The following NOL10 variants were observed in gnomAD, a reference collection of about 807,000 sequenced individuals.
NOL10 encodes the protein H_NH0074G24.1.
A neutral mutation model predicts 103.5 loss-of-function variants in NOL10; 58 were observed. The ratio of observed to expected loss-of-function variants is 0.56; its 90% CI spans 0.45 to 0.70. NOL10 has a LOEUF of 0.70. NOL10 is among the 30% of genes least tolerant of loss of function. The pLI is 0.00. For synonymous variants in NOL10, 287 were observed against 282.5 expected, an observed-to-expected ratio of 1.02 and a Z score of -0.16; for missense variants, 763 against 807.3, an observed-to-expected ratio of 0.95 and a Z score of 0.67.
chr2:10,654,491 G>A lies in NOL10; in HGVS notation c.963C>T (p.Tyr321=). Residue 321 remains tyrosine, a synonymous_variant, in exon 12 of 21, where the codon TAC becomes TAT. Transcript: ENST00000381685. ...PEHDLNDVCL[Y]PNSGMLLTAN... Reference sequence around the variant, plus strand: ...CTACAGAATGCATACCTGAGTTGGGGTAGAGACAAACATCATTAAGGTCAT... The same window carrying A: ...CTACAGAATGCATACCTGAGTTGGGATAGAGACAAACATCATTAAGGTCAT... The A allele has an allele frequency of 1.3e-6, 2 of 1,599,470 alleles. No homozygotes were observed. Among genetic ancestry groups the A allele is most frequent in the Non-Finnish European group, 1.7e-6 (2 of 1,174,540 alleles).
intron 13 of NOL10, among the ~76,000 whole-genome samples, chr2:10,625,783 C>A (rs534812075): frequency 2.6e-5 from 4 of 152,002 alleles, no homozygotes; most frequent in Non-Finnish European, 4.4e-5. Flanking sequence ...GGGTAGAAGA[C>A]GGGTTTGTTA....
At position 10,577,673 on chromosome 2, in the gene NOL10, G is replaced by A; in HGVS notation, c.1910C>T (p.Thr637Ile). The change falls in exon 20 of 21, where the codon ACC becomes ATC. Residue 637 changes from threonine to isoleucine, a missense_variant. By Grantham distance (89) the Thr-to-Ile change is moderately conservative. Coordinates refer to ENST00000381685, the MANE Select transcript of NOL10 (RefSeq NM_024894.4). ...GAATGTCAATTGTTTGCTGCCAACG[G>A]TGGTGTCGGATACACTCAATGTCCC... ...KNGTLSVSDT[T>I]VGSKQLTFTL... 1 of 1,612,668 alleles carries A rather than the reference G, an allele frequency of 6.2e-7. No homozygotes were observed. Among genetic ancestry groups the A allele is most frequent in the Non-Finnish European group, 8.5e-7 (1 of 1,179,188 alleles).
At position 10,662,985 on chromosome 2, in the gene NOL10, G is replaced by A; in HGVS notation, c.651C>T (p.Ala217=). ...TRNRVGLLDC[A]LNSVTADSEI... is the part of the protein sequence containing the mutation. ...CTGAATCTGCTGTGACACTGTTTAA[G>A]GCGCAGTCTAACAGGCCAACTCTGT... The change falls in exon 9 of 21, where the codon GCC becomes GCT. Residue 217 remains alanine, a synonymous_variant. Transcript: ENST00000381685. 1 of 1,613,770 alleles carries A rather than the reference G, an allele frequency of 6.2e-7. No individual in the cohort carries two copies. The highest frequency in any genetic ancestry group is 8.5e-7 in the Non-Finnish European group (1 of 1,179,702).
chr2:10,644,267 A>G, intron 13 of NOL10, 53 bp downstream of exon 13: 1 of 1,278,598 alleles, frequency 7.8e-7, no homozygotes, highest in Non-Finnish European at 1.1e-6. Context: ...TAAATAATAA[A>G]AAGTATCTTT....
At position 10,684,568 on chromosome 2, in the gene NOL10, T is replaced by C. The variant is rs1281235446; in HGVS notation, c.111A>G (p.Val37=). 4 of 1,574,368 alleles carry C rather than the reference T, an allele frequency of 2.5e-6. No homozygotes were observed. Among genetic ancestry groups the C allele is most frequent in the East Asian group, 4.6e-5 (2 of 43,626 alleles). The part of the protein sequence containing the change: ...RKKRALQKKD[V]DVRRRIELIQ... ...GAAGTGGGAAAAAACAATACTCACC[T>C]ACATCTTTCTTCTGTAGCGCTCTCT... The change falls in exon 2 of 21, where the codon GTA becomes GTG. Residue 37 remains valine (V), a splice_region_variant and synonymous_variant. Transcript: ENST00000381685.
At chr2:10,652,225 G>A (rs1572379915) in intron 12 of NOL10, among the ~76,000 whole-genome samples, 1 of 150,940 alleles carries the variant, frequency 6.6e-6, no homozygotes, top group Admixed American at 6.6e-5. Flanking sequence ...GGGGGACAGA[G>A]GGAGACTCTG....
In NOL10 at chr2:10,663,633, C is replaced by G. The variant is rs905183506; in HGVS notation, c.592-589G>C. ...ATGTGAACTTTTTAAAAATAAAAAG[C>G]TGGGGAAAATTTTTTTTAATGAAAA... On this transcript the variant is annotated intron_variant, in intron 8 of 20. Transcript: ENST00000381685. Among the ~76,000 whole-genome samples, 52 of 151,648 alleles carry G rather than the reference C, an allele frequency of 3.4e-4. 2 individuals are homozygous for G.
chr2:10,587,519 C>G lies in NOL10; in HGVS notation c.1844+1524G>C, dbSNP rs186137919. On this transcript the variant is annotated intron_variant, in intron 19 of 20. Coordinates refer to ENST00000381685, the MANE Select transcript of NOL10 (RefSeq NM_024894.4). ...CTCCTGACCTCATGATCTGCCCCCC[C>G]CTTGGCCTCCCAAAGTGCTAGGATT... Among the ~76,000 whole-genome samples, 1,080 of 151,450 alleles carry G rather than the reference C, an allele frequency of 7.1e-3. 8 individuals are homozygous for G. The highest frequency in any genetic ancestry group is 0.024 in the African/African-American group (975 of 41,228).
chr2:10,671,664 G>A lies in NOL10; in HGVS notation c.354C>T (p.Tyr118=), dbSNP rs1328626736. ...AACCTGATTGCGAATGAAATTCAAT[G>A]TATCTATCATTATGTAAGAAGACAA... The part of the protein sequence containing the change: ...SKIVFLHNDR[Y]IEFHSQSGFY... The change falls in exon 6 of 21, where the codon TAC becomes TAT. Residue 118 remains tyrosine (Y), a synonymous_variant. Coordinates refer to ENST00000381685, the MANE Select transcript of NOL10 (RefSeq NM_024894.4). 1.3e-6 allele frequency: 2 copies of A among 1,574,302 alleles called. No homozygotes were observed. The highest frequency in any genetic ancestry group is 1.9e-5 in the Admixed American group (1 of 54,014).
intron 19 of NOL10, among the ~76,000 whole-genome samples, chr2:10,578,345 A>T (rs1377794126): frequency 6.6e-6 from 1 of 152,254 alleles, no homozygotes; most frequent in Non-Finnish European, 1.5e-5. Context: ...GAGAAAACAA[A>T]AGCAATTACA....
At chr2:10,619,141 G>A (rs1676990225) in intron 13 of NOL10, among the ~76,000 whole-genome samples, 1 of 152,056 alleles carries the variant, frequency 6.6e-6, no homozygotes, top group South Asian at 2.1e-4. Context: ...ATGTATGTAG[G>A]TATGTATGTA....
chr2:10,664,264 A>G (rs1157269656), intron 8 of NOL10, among the ~76,000 whole-genome samples: 2 of 152,118 alleles, frequency 1.3e-5, no homozygotes, highest in Non-Finnish European at 2.9e-5. Context: ...CCCCGTCTCT[A>G]CTAAAAATAC....
intron 13 of NOL10, among the ~76,000 whole-genome samples, chr2:10,627,591 C>T (rs1225065606): frequency 2.6e-5 from 4 of 151,968 alleles, no homozygotes; most frequent in Non-Finnish European, 2.9e-5. Flanking sequence ...AGGAGAATGG[C>T]GTGAACCCGG....
chr2:10,577,240 T>C (rs1321921233), intron 20 of NOL10, among the ~76,000 whole-genome samples: 2 of 152,200 alleles, frequency 1.3e-5, no homozygotes, highest in African/African-American at 4.8e-5. Flanking sequence ...TCCATATACA[T>C]GCGAGGTAGC....
chr2:10,671,704 A>G lies in NOL10; in HGVS notation c.328-14T>C. The G allele has an allele frequency of 1.3e-6, 2 of 1,532,104 alleles. No individual in the cohort carries two copies. Among genetic ancestry groups the G allele is most frequent in the South Asian group, 1.2e-5 (1 of 81,360 alleles). 94.9% of individuals were successfully genotyped at this position (1,532,104 alleles called of 1,614,324 possible). On this transcript the variant is annotated splice_polypyrimidine_tract_variant and intron_variant, in intron 5 of 20. Coordinates refer to ENST00000381685, the MANE Select transcript of NOL10 (RefSeq NM_024894.4). ...TAAGAAGACAATCTGAAAATAAAAC[A>G]AAAAAATTAGTTTGCTTAGGTTTCT...
At chr2:10,615,584 T>C (rs1676790847) in intron 13 of NOL10, among the ~76,000 whole-genome samples, 1 of 152,170 alleles carries the variant, frequency 6.6e-6, no homozygotes, top group African/African-American at 2.4e-5. Flanking sequence ...CTTTTTAAAA[T>C]GACAGTAAAT....
intron 12 of NOL10, among the ~76,000 whole-genome samples, chr2:10,649,588 A>G (rs1271655288): frequency 6.6e-6 from 1 of 152,088 alleles, no homozygotes; most frequent in Non-Finnish European, 1.5e-5. Flanking sequence ...CCAAAGTACT[A>G]GGACTACAGG....
chr2:10,593,671 C>G (rs1172135354), intron 17 of NOL10, among the ~76,000 whole-genome samples: 2 of 152,180 alleles, frequency 1.3e-5, no homozygotes, highest in East Asian at 3.8e-4. Context: ...AATCACACCC[C>G]AGCTCTGGAA....
At chr2:10,666,555 C>T (rs894765215) in intron 8 of NOL10, among the ~76,000 whole-genome samples, 38 of 152,286 alleles carry the variant, frequency 2.5e-4, no homozygotes, top group African/African-American at 8.7e-4. Flanking sequence ...TCTCAAACTC[C>T]TGATCTCAAG....
Sources: gnomAD v4.1 joint callset for allele counts (sites outside exome capture counted in the v4.1 genomes callset) on GRCh38, gnomAD v4.1.1 for gene constraint, MANE v1.5 for transcripts, NCBI Gene and HGNC (gene_info 2026-07-23, HGNC 2026-07-21) for gene names.